RGSL1: variants seen among roughly 807,000 people sequenced by gnomAD.
RGSL1 encodes regulator of G protein signaling protein-like.
A neutral mutation model predicts 124.7 loss-of-function variants in RGSL1; 97 were observed. The observed-to-expected ratio is 0.78, with a 90% CI of 0.66 to 0.92. The LOEUF (loss-of-function observed/expected upper bound fraction) is 0.92, where lower values mean the gene tolerates loss of function less well. Among genes scored for constraint, RGSL1 ranks in the 40% least tolerant of loss-of-function variants. The probability of loss-of-function intolerance (pLI) is 0.00; values close to 1 mark genes in which losing one functional copy is unlikely to be tolerated. For missense variants in RGSL1, 1,233 were observed against 1,288.4 expected, an observed-to-expected ratio of 0.96 and a Z score of 0.66; for synonymous variants, 424 against 438.1, an observed-to-expected ratio of 0.97 and a Z score of 0.40.
intron 14 of RGSL1, among the ~76,000 whole-genome samples, chr1:182,534,379 G>T (rs955724678): frequency 6.6e-6 from 1 of 152,072 alleles, no homozygotes; most frequent in Admixed American, 6.6e-5. Context: ...TAGGAGTTGA[G>T]CATCTTTATT....
intron 6 of RGSL1, among the ~76,000 whole-genome samples, chr1:182,478,216 G>T (rs568480260): frequency 6.6e-6 from 1 of 152,194 alleles, no homozygotes; most frequent in Admixed American, 6.5e-5. Context: ...CCAAAGTGCT[G>T]GGATTACAGG....
chr1:182,485,554 A>C (rs1010160653), intron 6 of RGSL1, among the ~76,000 whole-genome samples: 7 of 152,118 alleles, frequency 4.6e-5, no homozygotes, highest in African/African-American at 1.2e-4. Flanking sequence ...ATACATGTTC[A>C]TCCTCTTCTG....
intron 20 of RGSL1, 163 bp downstream of exon 20, chr1:182,554,856 A>C: frequency 1.5e-6 from 1 of 683,992 alleles, no homozygotes; most frequent in Non-Finnish European, 2.5e-6. Flanking sequence ...GAAGTTAAAG[A>C]GGTGTTTCTC....
At chr1:182,525,765 CATAAA>C (rs1658695902) in intron 10 of RGSL1, among the ~76,000 whole-genome samples, 1 of 151,370 alleles carries the variant, frequency 6.6e-6, no homozygotes, top group Admixed American at 6.6e-5. Context: ...TGTGTAGATA[CATAAA>C]ATAAAGAGAA....
In RGSL1 at chr1:182,528,025, T is replaced by C. The variant is rs1658881308; in HGVS notation, c.2125+253T>C. ...GAAATGCCTAAGACTGGGTAATTTA[T>C]AAAGAAAAGAGGATTGATTGACTCA... is the stretch of plus-strand genomic sequence containing the variant. On this transcript the variant is annotated intron_variant, in intron 11 of 21. Coordinates refer to ENST00000294854, the MANE Select transcript of RGSL1 (RefSeq NM_001137669.2). Among the ~76,000 whole-genome samples, 2 of 152,134 alleles carry C rather than the reference T, an allele frequency of 1.3e-5. 1 individual carries two copies. Among genetic ancestry groups the C allele is most frequent in the Admixed American group, 1.3e-4 (2 of 15,272 alleles).
intron 11 of RGSL1, among the ~76,000 whole-genome samples, chr1:182,528,636 G>T (rs931913880): frequency 3.3e-5 from 5 of 152,142 alleles, no homozygotes; most frequent in Non-Finnish European, 7.3e-5. Flanking sequence ...AAACCTTAAA[G>T]TTCCAAAATG....
chr1:182,478,227 G>T (rs1035184038), intron 6 of RGSL1, among the ~76,000 whole-genome samples: 2 of 151,828 alleles, frequency 1.3e-5, no homozygotes, highest in Non-Finnish European at 2.9e-5. Context: ...GGATTACAGG[G>T]GTGAGCCACT....
At chr1:182,449,808 G>A (rs999167017), upstream of RGSL1, among the ~76,000 whole-genome samples, 12 of 152,108 alleles carry the variant, frequency 7.9e-5, no homozygotes, top group African/African-American at 1.9e-4. Context: ...AAATGTAACC[G>A]TTTACAAGAC....
chr1:182,509,484 CGG>C (rs1391436490), intron 9 of RGSL1, among the ~76,000 whole-genome samples: 2 of 71,440 alleles, frequency 2.8e-5, no homozygotes, highest in Non-Finnish European at 5.8e-5. Flanking sequence ...GCTGGCCAGG[CGG>C]GGGGCTGACC....
chr1:182,501,006 G>T (rs1656313399), intron 9 of RGSL1, among the ~76,000 whole-genome samples: 1 of 152,014 alleles, frequency 6.6e-6, no homozygotes, highest in African/African-American at 2.4e-5. Context: ...TAAGTGCTCT[G>T]GCTAGAACTT....
chr1:182,518,434 A>G (rs1038442300), intron 9 of RGSL1, among the ~76,000 whole-genome samples: 1 of 152,122 alleles, frequency 6.6e-6, no homozygotes, highest in Admixed American at 6.5e-5. Context: ...CAAACCTCCT[A>G]CAGTGTGATG....
At chr1:182,448,198 ATTTGTTTGTTTG>A (rs3030969), upstream of RGSL1, 1,011 of 149,908 alleles carry the variant, frequency 6.7e-3, 11 homozygotes, top group African/African-American at 0.018. Flanking sequence ...AAACCAATTT[ATTTGTTTGTTTG>A]TTTGTTTGTT....
intron 6 of RGSL1, among the ~76,000 whole-genome samples, chr1:182,486,715 G>T (rs1008466718): frequency 4.0e-5 from 6 of 151,780 alleles, no homozygotes; most frequent in African/African-American, 1.2e-4. Context: ...CATTCTTGTC[G>T]CCCAGGCTGG....
intron 14 of RGSL1, among the ~76,000 whole-genome samples, chr1:182,537,578 T>C (rs1659629850): frequency 6.6e-6 from 1 of 152,244 alleles, no homozygotes; most frequent in Non-Finnish European, 1.5e-5. Context: ...ACAGTTAAGT[T>C]ACTCGAAAAC....
chr1:182,557,814 T>G (rs1660949036), intron 21 of RGSL1, among the ~76,000 whole-genome samples: 1 of 152,230 alleles, frequency 6.6e-6, no homozygotes, highest in Non-Finnish European at 1.5e-5. Flanking sequence ...TTTCGGTTTC[T>G]TACATGCTCC....
chr1:182,501,251 CCTTTCTCT>C (rs903090861), intron 9 of RGSL1, among the ~76,000 whole-genome samples: 6 of 110,700 alleles, frequency 5.4e-5, no homozygotes, highest in East Asian at 4.5e-4. Context: ...TTTCGTCCTT[CCTTTCTCT>C]CTTTCTCTCT....
At chr1:182,465,150 G>T (rs1653188889) in intron 4 of RGSL1, among the ~76,000 whole-genome samples, 1 of 148,652 alleles carries the variant, frequency 6.7e-6, no homozygotes, top group Non-Finnish European at 1.5e-5. Flanking sequence ...GATTATAGAA[G>T]AGTACTCTGA....
At chr1:182,519,971 T>C (rs370941352) in intron 9 of RGSL1, among the ~76,000 whole-genome samples, 1 of 152,214 alleles carries the variant, frequency 6.6e-6, no homozygotes. Flanking sequence ...TGAATTATAT[T>C]AATAATAGTC....
intron 6 of RGSL1, among the ~76,000 whole-genome samples, chr1:182,487,470 C>G (rs1002337640): frequency 6.6e-6 from 1 of 152,178 alleles, no homozygotes; most frequent in African/African-American, 2.4e-5. Context: ...TATCCCGATG[C>G]CTTTGCTTAA....
Sources: gnomAD v4.1 joint callset for allele counts (sites outside exome capture counted in the v4.1 genomes callset) on GRCh38, gnomAD v4.1.1 for gene constraint, MANE v1.5 for transcripts, NCBI Gene and HGNC (gene_info 2026-07-23, HGNC 2026-07-21) for gene names.